Variants in ARAP2 observed in about 807,000 individuals in gnomAD.
ARAP2 encodes the protein ArfGAP with RhoGAP domain, ankyrin repeat and PH domain 2.
A neutral mutation model predicts 194.5 loss-of-function variants in ARAP2; 148 were observed. The ratio of observed to expected loss-of-function variants is 0.76; its 90% confidence interval spans 0.67 to 0.87. The LOEUF is 0.87. Among genes scored for constraint, ARAP2 ranks in the 40% least tolerant of loss-of-function variants. ARAP2 has a pLI of 0.00. For missense variants in ARAP2, 2,128 were observed against 1,989.7 expected (o/e 1.07, Z -1.32); for synonymous variants, 695 against 683.5 (o/e 1.02, Z -0.26).
At chr4:36,208,928 G>A (rs888238976) in intron 6 of ARAP2, among the ~76,000 whole-genome samples, 1 of 151,960 alleles carries the variant, frequency 6.6e-6, no homozygotes, top group Non-Finnish European at 1.5e-5. Context: ...ACCTTAGGCA[G>A]GTTCAGAATA....
chr4:36,101,617 T>C (rs1716954355), intron 27 of ARAP2, among the ~76,000 whole-genome samples: 1 of 152,014 alleles, frequency 6.6e-6, no homozygotes, highest in South Asian at 2.1e-4. Context: ...AGATATGTTT[T>C]CTGATCACTG....
Sources: gnomAD v4.1 joint callset for allele counts (sites outside exome capture counted in the v4.1 genomes callset) on GRCh38, gnomAD v4.1.1 for gene constraint, MANE v1.5 for transcripts, NCBI Gene and HGNC (gene_info 2026-07-23, HGNC 2026-07-21) for gene names.